The following TMEM63C variants were observed in gnomAD, a reference collection of about 807,000 sequenced individuals.
TMEM63C encodes the protein osmosensitive cation channel TMEM63C.
In TMEM63C, 32 loss-of-function variants were observed where a neutral mutation model predicts 99.2. The ratio of observed to expected loss-of-function variants is 0.32; its 90% CI spans 0.24 to 0.43. TMEM63C has a LOEUF of 0.43. TMEM63C is among the 20% of genes least tolerant of loss of function. The pLI, the probability that TMEM63C is intolerant of heterozygous loss-of-function variation, is 1.00. For missense variants in TMEM63C, 826 were observed against 1,053.0 expected (o/e 0.78, Z 2.98); for synonymous variants, 376 against 397.9 (o/e 0.94, Z 0.66).
At chr14:77,256,270 G>A (rs1889459773) in intron 23 of TMEM63C, among the ~76,000 whole-genome samples, 2 of 152,224 alleles carry the variant, frequency 1.3e-5, no homozygotes, top group East Asian at 3.8e-4. Context: ...AATGGGACAT[G>A]TTCTAAAGGA....
chr14:77,254,647 C>T (rs992916021), intron 23 of TMEM63C, among the ~76,000 whole-genome samples: 4 of 152,134 alleles, frequency 2.6e-5, no homozygotes, highest in Non-Finnish European at 4.4e-5. Context: ...TCAGAAGTTC[C>T]GTCAATATAG....
chr14:77,200,648 CT>C (rs1271633709), intron 1 of TMEM63C, among the ~76,000 whole-genome samples: 1 of 152,260 alleles, frequency 6.6e-6, no homozygotes, highest in Non-Finnish European at 1.5e-5. Context: ...TCTGCTGCCC[CT>C]GAGGGGTGGT....
chr14:77,244,792 TC>T (rs1889240176), intron 16 of TMEM63C, among the ~76,000 whole-genome samples: 1 of 152,210 alleles, frequency 6.6e-6, no homozygotes, highest in Non-Finnish European at 1.5e-5. Flanking sequence ...TCCCAGGCAT[TC>T]CATGCAGAAG....
At chr14:77,213,270 A>G (rs1888522518) in intron 1 of TMEM63C, among the ~76,000 whole-genome samples, 176 bp from the exon 2 acceptor site, 1 of 152,192 alleles carries the variant, frequency 6.6e-6, no homozygotes, top group African/African-American at 2.4e-5. Context: ...CCATCAAGAC[A>G]ATTAAAAGAA....
chr14:77,223,970 C>T (rs541133849), intron 5 of TMEM63C, among the ~76,000 whole-genome samples: 300 of 152,222 alleles, frequency 2.0e-3, no homozygotes, highest in Non-Finnish European at 3.7e-3. Context: ...CGGCCCAGCT[C>T]TGCTTTGCTA....
At chr14:77,219,421 A>C (rs1888649610) in intron 3 of TMEM63C, 77 bp from the exon 4 acceptor site, 2 of 1,475,024 alleles carry the variant, frequency 1.4e-6, no homozygotes, top group Non-Finnish European at 1.9e-6. Context: ...GGTCTCCCCC[A>C]AGGGAATGCA....
At chr14:77,215,614 A>AAAAAAAGAAAAG (rs772701077) in intron 2 of TMEM63C, among the ~76,000 whole-genome samples, 4,010 of 76,584 alleles carry the variant, frequency 0.052, 467 homozygotes, top group African/African-American at 0.18. Context: ...AAAAAAAAAA[A>AAAAAAAGAAAAG]AAAAGAAAAG....
intron 15 of TMEM63C, among the ~76,000 whole-genome samples, chr14:77,243,849 G>A (rs539994367): frequency 2.4e-4 from 37 of 151,864 alleles, no homozygotes; most frequent in African/African-American, 7.2e-4. Context: ...GTGCATGCAC[G>A]CACACACATA....
intron 1 of TMEM63C, among the ~76,000 whole-genome samples, chr14:77,194,681 C>A (rs1272656579): frequency 6.6e-6 from 1 of 151,730 alleles, no homozygotes; most frequent in African/African-American, 2.4e-5. Context: ...TTAAGTAATT[C>A]TCCCACCTCA....
chr14:77,242,298 T>C, intron 13 of TMEM63C, 49 bp from the exon 14 acceptor site: 14 of 1,416,720 alleles, frequency 9.9e-6, no homozygotes, highest in African/African-American at 2.8e-5. Flanking sequence ...CCTAAGCCCA[T>C]CCCCCCACCC....
At chr14:77,246,146 C>A in intron 17 of TMEM63C, 120 bp downstream of exon 17, 1 of 803,418 alleles carries the variant, frequency 1.2e-6, no homozygotes, top group Non-Finnish European at 2.2e-6. Flanking sequence ...AAAGACAGCC[C>A]CATGCCTGTC....
chr14:77,242,505 T>G (rs1476411997), intron 14 of TMEM63C, 36 bp downstream of exon 14: 1 of 1,608,406 alleles, frequency 6.2e-7, no homozygotes, highest in East Asian at 2.2e-5. Context: ...TCCTCTGAGC[T>G]CCTCTGAGAC....
chr14:77,257,954 G>A lies in TMEM63C; in HGVS notation c.*1228G>A, dbSNP rs145397464. The A allele has an allele frequency of 1.3e-5, 2 of 152,356 alleles. No individual in the cohort carries two copies. The highest frequency in any genetic ancestry group is 2.9e-5 in the Non-Finnish European group (2 of 68,074). The allele number at this position is 152,356 out of a possible 1,614,324, so 9.4% of individuals were successfully genotyped here. On this transcript the variant is annotated 3_prime_UTR_variant, in exon 24 of 24. Coordinates refer to ENST00000298351, the MANE Select transcript of TMEM63C (RefSeq NM_020431.4). Reference sequence around the variant, plus strand: ...GTGCTCCAGGGAGAAGCCCTTTCTGGAGAAGCAAGGCTGTCCTCCCAGGGC... The same window carrying A: ...GTGCTCCAGGGAGAAGCCCTTTCTGAAGAAGCAAGGCTGTCCTCCCAGGGC...
intron 1 of TMEM63C, chr14:77,196,167 A>C (rs1888211095): frequency 6.6e-6 from 1 of 152,340 alleles, no homozygotes; most frequent in South Asian, 2.1e-4. Flanking sequence ...AAGAGGAGGG[A>C]AGGTCCTATT....
chr14:77,203,104 G>A (rs371869145), intron 1 of TMEM63C, among the ~76,000 whole-genome samples: 5 of 152,192 alleles, frequency 3.3e-5, no homozygotes, highest in Non-Finnish European at 4.4e-5. Flanking sequence ...GACGCTGGGC[G>A]TGGTGGCTTA....
chr14:77,188,266 A>C (rs994971122), intron 1 of TMEM63C, among the ~76,000 whole-genome samples: 2 of 152,140 alleles, frequency 1.3e-5, no homozygotes, highest in African/African-American at 2.4e-5. Context: ...AAAGGACTTC[A>C]TCCTTTCACT....
chr14:77,246,242 G>C (rs1889266930), intron 17 of TMEM63C, among the ~76,000 whole-genome samples: 1 of 152,214 alleles, frequency 6.6e-6, no homozygotes, highest in Non-Finnish European at 1.5e-5. Flanking sequence ...ATCTGGCTGG[G>C]GACACAAGGC....
At chr14:77,182,206 G>A (rs1013768097) in intron 1 of TMEM63C, among the ~76,000 whole-genome samples, 25 of 151,980 alleles carry the variant, frequency 1.6e-4, no homozygotes, top group African/African-American at 5.8e-4. Flanking sequence ...GGGGGTCCCC[G>A]GCCTCCTGCC....
At chr14:77,239,323 G>A in intron 10 of TMEM63C, 89 bp from the exon 11 acceptor site, 1 of 1,361,712 alleles carries the variant, frequency 7.3e-7, no homozygotes, top group Non-Finnish European at 1.0e-6. Context: ...GAGCCACCCA[G>A]CCCTCAGGGC....
Sources: gnomAD v4.1 joint callset for allele counts (sites outside exome capture counted in the v4.1 genomes callset) on GRCh38, gnomAD v4.1.1 for gene constraint, MANE v1.5 for transcripts, NCBI Gene and HGNC (gene_info 2026-07-23, HGNC 2026-07-21) for gene names.